The following RAI1 variants were observed in gnomAD, a reference collection of about 807,000 sequenced individuals.
RAI1 encodes retinoic acid induced 1.
Under a neutral mutation model 123.8 loss-of-function variants are expected in RAI1, and 9 were observed. The ratio of observed to expected loss-of-function variants is 0.07; its 90% CI spans 0.04 to 0.13. The LOEUF (loss-of-function observed/expected upper bound fraction) is 0.13. RAI1 is among the 10% of genes least tolerant of loss of function. RAI1 has a pLI of 1.00. For missense variants in RAI1, 2,256 were observed against 2,545.8 expected (o/e 0.89, Z 2.45); for synonymous variants, 1,231 against 1,127.3 (o/e 1.09, Z -1.84).
In RAI1 at chr17:17,809,086, G is replaced by A; in HGVS notation, c.5660-304G>A. On this transcript the variant is annotated intron_variant, in intron 4 of 5. Coordinates refer to ENST00000353383, the MANE Select transcript of RAI1 (RefSeq NM_030665.4). The surrounding 1 kb of genome is among the most constrained non-coding windows in gnomAD (Gnocchi z 4.9). ...CAAGTGTGGCTGGCAGAGTAAGGCG[G>A]GAGGGAGGGAGGGACTGAGGGACTG... 1 of 472,670 alleles carries A rather than the reference G, an allele frequency of 2.1e-6. No individual in the cohort carries two copies. Among genetic ancestry groups the A allele is most frequent in the Non-Finnish European group, 3.9e-6 (1 of 255,414 alleles). The allele number at this position is 472,670 out of a possible 1,614,324, so 29.3% of individuals were successfully genotyped here.
intron 2 of RAI1, among the ~76,000 whole-genome samples, chr17:17,753,940 T>C (rs571220863): frequency 6.6e-6 from 1 of 152,224 alleles, no homozygotes; most frequent in African/African-American, 2.4e-5. Context: ...CACACACACT[T>C]CAACTTTGCA....
chr17:17,760,262 C>A (rs1191986457), intron 2 of RAI1, among the ~76,000 whole-genome samples: 1 of 152,158 alleles, frequency 6.6e-6, no homozygotes, highest in East Asian at 1.9e-4. Flanking sequence ...TACTGATATC[C>A]CCCACCTCCT....
At position 17,686,189 on chromosome 17, in the gene RAI1, G is replaced by A. The variant is rs79618696; in HGVS notation, c.-149+4396G>A. On this transcript the variant is annotated intron_variant, in intron 1 of 5. Coordinates refer to ENST00000353383, the MANE Select transcript of RAI1 (RefSeq NM_030665.4). ...AAATGCTTCCTGGCAGGAGGGCCAG[G>A]TGAGGTGGAGAGGGTGAGAGCCCCA... Among the ~76,000 whole-genome samples, 1,122 of 152,350 alleles carry A rather than the reference G, an allele frequency of 7.4e-3. 13 individuals carry two copies. Among genetic ancestry groups the A allele is most frequent in the African/African-American group, 0.025 (1,039 of 41,578 alleles).
intron 2 of RAI1, among the ~76,000 whole-genome samples, chr17:17,748,736 T>A (rs1043648936): frequency 1.3e-5 from 2 of 151,854 alleles, no homozygotes; most frequent in African/African-American, 4.8e-5. Flanking sequence ...GGCACTGTGG[T>A]GTGGAGGGCT....
At chr17:17,782,919 C>A (rs1193901131) in intron 2 of RAI1, among the ~76,000 whole-genome samples, 1 of 152,232 alleles carries the variant, frequency 6.6e-6, no homozygotes, top group African/African-American at 2.4e-5. Flanking sequence ...ACGCCCCGCC[C>A]TGCGCGCCCC....
At chr17:17,741,841 G>A (rs917523778) in intron 2 of RAI1, among the ~76,000 whole-genome samples, 4 of 152,370 alleles carry the variant, frequency 2.6e-5, no homozygotes, top group East Asian at 1.9e-4. Context: ...GCTCACGGCC[G>A]TTGCTTCGGT....
intron 1 of RAI1, among the ~76,000 whole-genome samples, chr17:17,720,542 G>C (rs911174284): frequency 4.6e-5 from 7 of 152,224 alleles, no homozygotes; most frequent in African/African-American, 1.7e-4. Flanking sequence ...GGGTCTGATG[G>C]AGTAAGCAAG....
At chr17:17,784,598 T>TG (rs1171664507) in intron 2 of RAI1, among the ~76,000 whole-genome samples, 2 of 152,182 alleles carry the variant, frequency 1.3e-5, no homozygotes, top group Non-Finnish European at 2.9e-5. Context: ...CCTTAACAGC[T>TG]GGTCTTGTAG....
intron 1 of RAI1, among the ~76,000 whole-genome samples, chr17:17,722,054 C>T (rs1277170188): frequency 6.6e-6 from 1 of 151,956 alleles, no homozygotes; most frequent in African/African-American, 2.4e-5. Context: ...GACAGGTGGT[C>T]GGTGTGCTCC....
At chr17:17,804,008 C>A in intron 4 of RAI1, 159 bp downstream of exon 4, 3 of 788,300 alleles carry the variant, frequency 3.8e-6, no homozygotes, top group Non-Finnish European at 6.6e-6. Context: ...TCTGCCTAGA[C>A]CTCTGCTGGG....
At chr17:17,780,528 CAG>C (rs939849048) in intron 2 of RAI1, among the ~76,000 whole-genome samples, 4 of 152,196 alleles carry the variant, frequency 2.6e-5, no homozygotes, top group African/African-American at 9.6e-5. Flanking sequence ...GGGCCTAGGA[CAG>C]GGGGACCAGG....
chr17:17,736,297 AG>A (rs1916430750), intron 2 of RAI1, among the ~76,000 whole-genome samples: 1 of 152,126 alleles, frequency 6.6e-6, no homozygotes, highest in Non-Finnish European at 1.5e-5. Flanking sequence ...CCCCCAGGTC[AG>A]ACCTGGGAGG....
chr17:17,692,775 A>G (rs2142868834), intron 1 of RAI1, among the ~76,000 whole-genome samples: 1 of 152,276 alleles, frequency 6.6e-6, no homozygotes, highest in East Asian at 1.9e-4. Flanking sequence ...AGTGGGCATA[A>G]TCATGCCTTT....
chr17:17,796,357 C>G lies in RAI1; in HGVS notation c.3409C>G (p.Pro1137Ala), dbSNP rs746755884. 11 of 1,613,608 alleles carry G rather than the reference C, an allele frequency of 6.8e-6. No homozygotes were observed. The East Asian group carries it at 2.5e-4, about 36-fold the overall frequency. The change falls in exon 3 of 6, where the codon CCT becomes GCT. Residue 1137 changes from proline (P) to alanine (A), a missense_variant. By Grantham distance (27) the Pro-to-Ala change is conservative. This residue lies in a region of RAI1 where 322 missense variants were observed against 358.0 expected (regional missense o/e 0.90). Transcript: ENST00000353383. The surrounding 1 kb of genome is among the most constrained non-coding windows in gnomAD (Gnocchi z 5.8). ...KTKETDSPST[P>A]GKDQRSMILR... Reference sequence around the variant, plus strand: ...CAAGGAGACAGACTCACCCAGCACGCCTGGCAAGGACCAGCGCTCCATGAT... The same window carrying G: ...CAAGGAGACAGACTCACCCAGCACGGCTGGCAAGGACCAGCGCTCCATGAT...
chr17:17,778,675 T>A lies in RAI1; in HGVS notation c.-16-14258T>A, dbSNP rs1025256365. 4 of 455,862 alleles carry A rather than the reference T, an allele frequency of 8.8e-6. No individual in the cohort carries two copies. In the Admixed American group the frequency reaches 9.4e-5, roughly 11 times the overall value. 28.2% of individuals were successfully genotyped at this position (455,862 alleles called of 1,614,324 possible). ...AGCCCTCACAGTTCATTGGTCTGGC[T>A]GTGGTGAATCTGACCTCTCAAAAGC... On this transcript the variant is annotated intron_variant, in intron 2 of 5. Transcript: ENST00000353383.
intron 2 of RAI1, among the ~76,000 whole-genome samples, chr17:17,735,515 G>C (rs150700430): frequency 3.3e-5 from 5 of 150,574 alleles, no homozygotes; most frequent in African/African-American, 9.8e-5. Flanking sequence ...CACCACGCCC[G>C]GCTGATTTTT....
chr17:17,729,104 C>T (rs1037992297), intron 2 of RAI1, among the ~76,000 whole-genome samples: 5 of 152,214 alleles, frequency 3.3e-5, no homozygotes, highest in Non-Finnish European at 7.3e-5. Flanking sequence ...TGCCTCGCCC[C>T]ACCTTGCTCC....
At chr17:17,774,506 A>G (rs2031269764) in intron 2 of RAI1, among the ~76,000 whole-genome samples, 1 of 152,236 alleles carries the variant, frequency 6.6e-6, no homozygotes, top group Non-Finnish European at 1.5e-5. Flanking sequence ...CAGGGAACAC[A>G]GACAGCCGGA....
rs2032241750 is a variant in RAI1, at chr17:17,796,235, A to G, written c.3287A>G (p.Lys1096Arg). The part of the protein sequence containing the change: ...GKQRAAFKSG[K>R]RVGKPSPKAA... Reference sequence around the variant, plus strand: ...CAGCGAGCCGCCTTCAAGTCGGGCAAGCGGGTGGGGAAGCCCTCACCCAAG... The same window carrying G: ...CAGCGAGCCGCCTTCAAGTCGGGCAGGCGGGTGGGGAAGCCCTCACCCAAG... Residue 1096 changes from lysine (K) to arginine (R), a missense_variant, in exon 3 of 6, where the codon AAG becomes AGG. Physicochemically the swap from Lys to Arg is conservative, Grantham distance 26. Transcript: ENST00000353383. The surrounding 1 kb of genome is among the most constrained non-coding windows in gnomAD (Gnocchi z 5.8). 2 of 1,571,066 alleles carry G rather than the reference A, an allele frequency of 1.3e-6. No individual in the cohort carries two copies. Among genetic ancestry groups the G allele is most frequent in the Non-Finnish European group, 1.7e-6 (2 of 1,157,496 alleles).
Sources: gnomAD v4.1 joint callset for allele counts (sites outside exome capture counted in the v4.1 genomes callset) on GRCh38, gnomAD v4.1.1 for gene constraint, gnomAD v4.1.1 regional missense constraint, Gnocchi (gnomAD v3.1) non-coding constraint, MANE v1.5 for transcripts, NCBI Gene and HGNC (gene_info 2026-07-23, HGNC 2026-07-21) for gene names.